The following CDH12 variants were observed in gnomAD, a reference collection of about 807,000 sequenced individuals.
CDH12 encodes the protein cadherin-12.
A neutral mutation model predicts 74.1 loss-of-function variants in CDH12; 41 were observed. The ratio of observed to expected loss-of-function variants is 0.55; its 90% confidence interval spans 0.43 to 0.72. The LOEUF (loss-of-function observed/expected upper bound fraction) is 0.72, where lower values mean the gene tolerates loss of function less well. Ranked by LOEUF, CDH12 falls within the 30% of genes least tolerant of loss-of-function variation. The pLI is 0.00. For synonymous variants in CDH12, 399 were observed against 355.0 expected, an observed-to-expected ratio of 1.12 and a Z score of -1.39; for missense variants, 945 against 977.2, an observed-to-expected ratio of 0.97 and a Z score of 0.44.
At chr5:22,290,786 C>T (rs150104444) in intron 3 of CDH12, among the ~76,000 whole-genome samples, 84 of 152,150 alleles carry the variant, frequency 5.5e-4, no homozygotes, top group Non-Finnish European at 1.1e-3. Context: ...ATACATGCAA[C>T]CTACCAAGAC....
At chr5:22,160,301 T>G (rs12657612) in intron 4 of CDH12, among the ~76,000 whole-genome samples, 12,968 of 152,216 alleles carry the variant, frequency 0.085, 663 homozygotes, top group African/African-American at 0.14. Context: ...TTGGATATGT[T>G]AGATGTGTTT....
rs144777536 is a variant in CDH12, at chr5:22,299,937, A to G, written c.-332-87294T>C. Among the ~76,000 whole-genome samples the G allele has an allele frequency of 9.2e-4, 140 of 152,318 alleles. 1 individual carries two copies. The highest frequency in any genetic ancestry group is 3.3e-3 in the African/African-American group (137 of 41,574). Reference sequence around the variant, plus strand: ...ACACTTTTACCGAAATTAATTCCCAAGCAAATTAACTAAAGCATATAGTAG... The same window carrying G: ...ACACTTTTACCGAAATTAATTCCCAGGCAAATTAACTAAAGCATATAGTAG... On this transcript the variant is annotated intron_variant, in intron 3 of 14. Coordinates refer to ENST00000382254, the MANE Select transcript of CDH12 (RefSeq NM_004061.5).
At position 22,340,406 on chromosome 5, in the gene CDH12, A is replaced by T. The variant is rs541248146; in HGVS notation, c.-333+64851T>A. Among the ~76,000 whole-genome samples the T allele has an allele frequency of 3.9e-5, 6 of 152,154 alleles. No individual in the cohort carries two copies. In the South Asian group the frequency reaches 1.2e-3, roughly 32 times the overall value. ...GCCAGACGTGGTGGCGGGTGCCTGT[A>T]GTCCCAGCTACTCGGGAGGCTGAGG... is the stretch of plus-strand genomic sequence containing the variant. On this transcript the variant is annotated intron_variant, in intron 3 of 14. Transcript: ENST00000382254.
chr5:22,681,256 T>C (rs1012272736), intron 1 of CDH12, among the ~76,000 whole-genome samples: 3 of 151,546 alleles, frequency 2.0e-5, no homozygotes, highest in Non-Finnish European at 2.9e-5. Flanking sequence ...TGTGTGTGTG[T>C]GTGTGTGTAT....
intron 1 of CDH12, among the ~76,000 whole-genome samples, chr5:22,598,604 T>G (rs1337987549): frequency 6.6e-6 from 1 of 152,200 alleles, no homozygotes; most frequent in Admixed American, 6.5e-5. Flanking sequence ...TACACATATG[T>G]TGCCCAAAGA....
intron 4 of CDH12, among the ~76,000 whole-genome samples, chr5:22,162,890 ACT>A (rs1491459004): frequency 0.016 from 1,558 of 100,124 alleles, 29 homozygotes; most frequent in African/African-American, 0.054. Context: ...CTTCCCTCTG[ACT>A]TTTTTTTTTT....
intron 10 of CDH12, among the ~76,000 whole-genome samples, 191 bp from the exon 11 acceptor site, chr5:21,783,685 A>AT (rs1746043596): frequency 6.6e-6 from 1 of 152,152 alleles, no homozygotes; most frequent in East Asian, 1.9e-4. Context: ...AAATAATAAA[A>AT]GATTTAGTAC....
chr5:22,438,934 AAATGAC>A (rs1450593679), intron 2 of CDH12, among the ~76,000 whole-genome samples: 1 of 151,914 alleles, frequency 6.6e-6, no homozygotes, highest in African/African-American at 2.4e-5. Context: ...GATAATGTGA[AAATGAC>A]AATGGGCCTC....
chr5:21,764,036 A>G (rs2149874903), intron 12 of CDH12, among the ~76,000 whole-genome samples: 1 of 152,282 alleles, frequency 6.6e-6, no homozygotes, highest in South Asian at 2.1e-4. Flanking sequence ...AATGCACTCT[A>G]AAGTGGCTTG....
chr5:22,614,270 T>C (rs546641063), intron 1 of CDH12, among the ~76,000 whole-genome samples: 1 of 152,200 alleles, frequency 6.6e-6, no homozygotes, highest in Non-Finnish European at 1.5e-5. Flanking sequence ...TGAGAAGTGA[T>C]GGCTAAATGG....
chr5:22,815,699 G>A lies in CDH12; in HGVS notation c.-523+37359C>T, dbSNP rs183776041. On this transcript the variant is annotated intron_variant, in intron 1 of 14. Coordinates refer to ENST00000382254, the MANE Select transcript of CDH12 (RefSeq NM_004061.5). The stretch of plus-strand genomic sequence containing the variant: ...TAAGGAGAATCGCTTGAACCTGGGA[G>A]ATACAGTTTGCAGTGAGCTGAGATC... 5.2e-3 allele frequency among the ~76,000 whole-genome samples: 761 copies of A among 146,054 alleles called. 1 individual carries two copies. The highest frequency in any genetic ancestry group is 7.9e-3 in the Non-Finnish European group (527 of 66,976).
At chr5:21,995,816 TAAA>T (rs1391605905) in intron 5 of CDH12, among the ~76,000 whole-genome samples, 1 of 151,516 alleles carries the variant, frequency 6.6e-6, no homozygotes, top group Non-Finnish European at 1.5e-5. Flanking sequence ...GCTGATTGCA[TAAA>T]AAAAAGCCCA....
At chr5:22,452,600 T>C (rs1745086666) in intron 2 of CDH12, among the ~76,000 whole-genome samples, 1 of 151,736 alleles carries the variant, frequency 6.6e-6, no homozygotes, top group South Asian at 2.1e-4. Flanking sequence ...AAATTTAAGA[T>C]CCAAAACTGT....
intron 6 of CDH12, among the ~76,000 whole-genome samples, chr5:21,875,746 T>A (rs1425102815): frequency 6.6e-6 from 1 of 152,182 alleles, no homozygotes; most frequent in Non-Finnish European, 1.5e-5. Flanking sequence ...TTAATTGAAA[T>A]CTTGCTTTCC....
chr5:21,906,583 T>C (rs992272403), intron 6 of CDH12, among the ~76,000 whole-genome samples: 2 of 151,852 alleles, frequency 1.3e-5, no homozygotes, highest in Non-Finnish European at 2.9e-5. Flanking sequence ...AAATGATCTT[T>C]GCTTTCTTTT....
At chr5:22,733,518 A>C (rs1744537873) in intron 1 of CDH12, among the ~76,000 whole-genome samples, 1 of 150,908 alleles carries the variant, frequency 6.6e-6, no homozygotes, top group African/African-American at 2.4e-5. Flanking sequence ...TTCTTCTTTT[A>C]ACATCTATGA....
chr5:21,881,493 C>A (rs1025572301), intron 6 of CDH12, among the ~76,000 whole-genome samples: 2 of 152,194 alleles, frequency 1.3e-5, no homozygotes, highest in Non-Finnish European at 2.9e-5. Flanking sequence ...CTCACAGCCA[C>A]TACCCTAGTC....
intron 6 of CDH12, among the ~76,000 whole-genome samples, chr5:21,897,063 A>T (rs866061695): frequency 6.6e-6 from 1 of 152,240 alleles, no homozygotes; most frequent in African/African-American, 2.4e-5. Flanking sequence ...TGAACATATA[A>T]GTTTTATTTT....
chr5:21,901,252 A>G (rs1372866008), intron 6 of CDH12, among the ~76,000 whole-genome samples: 2 of 152,140 alleles, frequency 1.3e-5, no homozygotes, highest in African/African-American at 2.4e-5. Context: ...GTATGCCTAG[A>G]ACTTATAAGT....
Sources: gnomAD v4.1 joint callset for allele counts (sites outside exome capture counted in the v4.1 genomes callset) on GRCh38, gnomAD v4.1.1 for gene constraint, MANE v1.5 for transcripts, NCBI Gene and HGNC (gene_info 2026-07-23, HGNC 2026-07-21) for gene names.